The following SPHKAP variants were observed in gnomAD, a reference collection of about 807,000 sequenced individuals.
The protein encoded by SPHKAP is A-kinase anchor protein SPHKAP.
Under a neutral mutation model 137.5 loss-of-function variants are expected in SPHKAP, and 67 were observed. That is an observed-to-expected ratio of 0.49 (90% CI 0.40 to 0.60). The LOEUF (loss-of-function observed/expected upper bound fraction) is 0.60, where lower values mean the gene tolerates loss of function less well. SPHKAP is among the 20% of genes least tolerant of loss of function. The pLI, the probability that SPHKAP is intolerant of heterozygous loss-of-function variation, is 0.00. For missense variants in SPHKAP, 2,097 were observed against 2,069.3 expected (o/e 1.01, Z -0.26); for synonymous variants, 813 against 785.3 (o/e 1.04, Z -0.59).
At chr2:228,078,089 C>T (rs1487966101) in intron 3 of SPHKAP, among the ~76,000 whole-genome samples, 1 of 152,178 alleles carries the variant, frequency 6.6e-6, no homozygotes, top group Non-Finnish European at 1.5e-5. Context: ...TGAGGCCTCT[C>T]CAGCCACTGG....
rs369729961 is a variant in SPHKAP, at chr2:228,025,650, C to T, written c.307-122G>A. On this transcript the variant is annotated intron_variant, in intron 4 of 11. Transcript: ENST00000392056. The stretch of plus-strand genomic sequence containing the variant: ...CATACATATAGACTGCTTAATCTAC[C>T]AAGATTCTTACTAGAAGAAATTTTA... 2.1e-4 allele frequency: 245 copies of T among 1,151,120 alleles called. 2 individuals are homozygous for T. The African/African-American group carries it at 2.3e-3, about 11-fold the overall frequency. The allele number at this position is 1,151,120 out of a possible 1,614,324, so 71.3% of individuals were successfully genotyped here.
chr2:228,105,748 G>A (rs1698322365), intron 3 of SPHKAP, among the ~76,000 whole-genome samples: 1 of 152,054 alleles, frequency 6.6e-6, no homozygotes, highest in Non-Finnish European at 1.5e-5. Context: ...TTCCCCTTTT[G>A]CTTGGTTCTC....
At chr2:227,989,314 T>C (rs980351466) in intron 11 of SPHKAP, among the ~76,000 whole-genome samples, 1 of 152,180 alleles carries the variant, frequency 6.6e-6, no homozygotes. Context: ...ATGTACCCGA[T>C]TTGCTCCTAG....
intron 3 of SPHKAP, among the ~76,000 whole-genome samples, chr2:228,058,786 T>C (rs1457445138): frequency 6.6e-6 from 1 of 152,226 alleles, no homozygotes; most frequent in African/African-American, 2.4e-5. Flanking sequence ...TTATTCACTT[T>C]CAATGTTTTG....
At chr2:228,031,407 G>A (rs1574774506) in intron 3 of SPHKAP, among the ~76,000 whole-genome samples, 1 of 152,218 alleles carries the variant, frequency 6.6e-6, no homozygotes, top group South Asian at 2.1e-4. Flanking sequence ...GCTCAAGGAG[G>A]CCTGCCTGCC....
At chr2:228,039,798 TAGAA>T (rs1329845912) in intron 3 of SPHKAP, among the ~76,000 whole-genome samples, 4 of 152,196 alleles carry the variant, frequency 2.6e-5, no homozygotes, top group South Asian at 2.1e-4. Flanking sequence ...ATTAAACACA[TAGAA>T]AGAACTGATG....
At chr2:228,082,755 G>A (rs1697404165) in intron 3 of SPHKAP, among the ~76,000 whole-genome samples, 1 of 152,220 alleles carries the variant, frequency 6.6e-6, no homozygotes, top group Non-Finnish European at 1.5e-5. Flanking sequence ...CATCATTCAA[G>A]TTAGCCTTCC....
chr2:228,033,490 G>A (rs965876554), intron 3 of SPHKAP, among the ~76,000 whole-genome samples: 44 of 152,178 alleles, frequency 2.9e-4, no homozygotes, highest in African/African-American at 1.0e-3. Context: ...AGTTAACAAG[G>A]ATACCCAGGA....
Position 227,981,845 on chromosome 2 carries a change from G to A in SPHKAP, c.4975C>T (p.Gln1659Ter). The A allele has an allele frequency of 1.9e-6, 3 of 1,613,172 alleles. No homozygotes were observed. Among genetic ancestry groups the A allele is most frequent in the Non-Finnish European group, 2.5e-6 (3 of 1,179,542 alleles). The change falls in exon 12 of 12, where the codon CAG becomes TAG. Residue 1659 changes from glutamine (Q) to a stop codon, truncating the protein, a stop_gained. Transcript: ENST00000392056. LOFTEE classifies it high-confidence loss of function. ...TTCCAGGACTTCCGATGAACCAGCT[G>A]CACGACATCTAGAAACTAAAATAAA... is the stretch of plus-strand genomic sequence containing the variant. ...NRIEKFLDVV[Q>*]LVHRKSWKVG...
At chr2:227,989,730 C>T (rs538944331) in intron 11 of SPHKAP, among the ~76,000 whole-genome samples, 23 of 151,848 alleles carry the variant, frequency 1.5e-4, no homozygotes, top group African/African-American at 3.6e-4. Flanking sequence ...CTCAGCCTCC[C>T]GAGTAGCCAG....
intron 2 of SPHKAP, among the ~76,000 whole-genome samples, chr2:228,128,908 G>T (rs758254029): frequency 1.3e-5 from 2 of 152,052 alleles, no homozygotes; most frequent in African/African-American, 4.8e-5. Context: ...TGCAATCCAG[G>T]CTTTGTTATT....
chr2:228,001,999 T>C (rs1693926085), intron 7 of SPHKAP, among the ~76,000 whole-genome samples: 1 of 152,238 alleles, frequency 6.6e-6, no homozygotes, highest in African/African-American at 2.4e-5. Flanking sequence ...TTCCAAGTCT[T>C]TGCTATTGTG....
chr2:228,001,546 CAT>C (rs1252994309), intron 7 of SPHKAP, among the ~76,000 whole-genome samples: 6 of 141,968 alleles, frequency 4.2e-5, no homozygotes, highest in South Asian at 2.2e-4. Context: ...TAAAAATATA[CAT>C]ATATATAAAA....
At chr2:228,007,970 T>C (rs779047457) in intron 7 of SPHKAP, among the ~76,000 whole-genome samples, 9 of 152,124 alleles carry the variant, frequency 5.9e-5, no homozygotes, top group Non-Finnish European at 1.2e-4. Context: ...GAAGAAAACA[T>C]AGCTGAAAAA....
chr2:228,030,543 C>CAAAAAAAAAAA (rs1553615001), intron 3 of SPHKAP, among the ~76,000 whole-genome samples: 19 of 78,680 alleles, frequency 2.4e-4, no homozygotes, highest in African/African-American at 3.2e-4. Context: ...CAACAAAAAA[C>CAAAAAAAAAAA]AAAAAAAAAA....
At chr2:228,159,272 T>C (rs1159877186) in intron 1 of SPHKAP, among the ~76,000 whole-genome samples, 1 of 152,168 alleles carries the variant, frequency 6.6e-6, no homozygotes, top group Non-Finnish European at 1.5e-5. Flanking sequence ...AAATAGGAAA[T>C]GGAACTCATT....
chr2:228,028,203 C>T (rs756021604), intron 3 of SPHKAP, among the ~76,000 whole-genome samples: 7 of 152,140 alleles, frequency 4.6e-5, no homozygotes, highest in Non-Finnish European at 8.8e-5. Flanking sequence ...TTTTTATGCT[C>T]TAAGCCTCTG....
At chr2:228,026,489 T>C (rs910930008) in intron 4 of SPHKAP, among the ~76,000 whole-genome samples, 4 of 152,178 alleles carry the variant, frequency 2.6e-5, no homozygotes, top group African/African-American at 4.8e-5. Flanking sequence ...CCCAGTAACT[T>C]GCACAGTTCA....
In SPHKAP at chr2:228,163,590, G is replaced by A. The variant is rs560342041; in HGVS notation, c.32+17977C>T. ...AGGAGCAATTGTACCTATTTATAAC[G>A]TACACAGGTCAACATGGGTGTTTGC... On this transcript the variant is annotated intron_variant, in intron 1 of 11. Transcript: ENST00000392056. 1.4e-3 allele frequency among the ~76,000 whole-genome samples: 219 copies of A among 152,132 alleles called. 6 individuals carry two copies. Among genetic ancestry groups the A allele is most frequent in the Middle Eastern group, 3.4e-3 (1 of 294 alleles).
Sources: gnomAD v4.1 joint callset for allele counts (sites outside exome capture counted in the v4.1 genomes callset) on GRCh38, gnomAD v4.1.1 for gene constraint, MANE v1.5 for transcripts, NCBI Gene and HGNC (gene_info 2026-07-23, HGNC 2026-07-21) for gene names.